CELF3: variants seen among roughly 807,000 people sequenced by gnomAD.
CELF3 encodes the protein CAG repeat domain.
CELF3 carries 26 observed loss-of-function variants against 59.6 expected under a neutral mutation model. That is an observed-to-expected ratio of 0.44 (90% CI 0.32 to 0.61). CELF3 has a LOEUF of 0.61. Ranked by LOEUF, CELF3 falls within the 20% of genes least tolerant of loss-of-function variation. The pLI, the probability that CELF3 is intolerant of heterozygous loss-of-function variation, is 0.06. For synonymous variants in CELF3, 245 were observed against 250.7 expected (o/e 0.98, Z 0.22); for missense variants, 387 against 627.2 (o/e 0.62, Z 4.09).
intron 2 of CELF3, among the ~76,000 whole-genome samples, chr1:151,711,678 C>A (rs558858001): frequency 6.6e-6 from 1 of 152,328 alleles, no homozygotes; most frequent in South Asian, 2.1e-4. Flanking sequence ...CTCCTGTGCT[C>A]TAGCCAAAGC....
rs147905163 is a variant in CELF3, at chr1:151,708,302, G to A, written c.487-367C>T. 6.7e-3 allele frequency: 1,562 copies of A among 231,852 alleles called. 12 individuals are homozygous for A. Among genetic ancestry groups the A allele is most frequent in the Non-Finnish European group, 0.011 (1,264 of 118,270 alleles). The allele number at this position is 231,852 out of a possible 1,614,324, so 14.4% of individuals were successfully genotyped here. ...TAGTCTTCCCTTGTAGCTGCCCTGC[G>A]TGCCTTACCACGACTCCTGCCCCCA... On this transcript the variant is annotated intron_variant, in intron 5 of 12. Transcript: ENST00000290583.
Position 151,715,943 on chromosome 1 carries a change from G to T in CELF3, c.78C>A (p.Ile26=). 1 of 1,614,186 alleles carries T rather than the reference G, an allele frequency of 6.2e-7. No homozygotes were observed. Among genetic ancestry groups the T allele is most frequent in the Non-Finnish European group, 8.5e-7 (1 of 1,180,028 alleles). ...RHLEEKDLKP[I]FEQFGRIFEL... ...CAAAGATCCGACCAAACTGTTCGAAGATGGGCTTCAGGTCCTTCTCCTCCA... is the reference window on the plus strand; with the variant it reads ...CAAAGATCCGACCAAACTGTTCGAATATGGGCTTCAGGTCCTTCTCCTCCA... Residue 26 remains isoleucine, a synonymous_variant, in exon 1 of 13, where the codon ATC becomes ATA. Coordinates refer to ENST00000290583, the MANE Select transcript of CELF3 (RefSeq NM_007185.7).
chr1:151,706,412 C>T (rs1672544530), intron 9 of CELF3, 51 bp from the exon 10 acceptor site: 3 of 1,490,718 alleles, frequency 2.0e-6, no homozygotes, highest in Non-Finnish European at 2.7e-6. Flanking sequence ...ACTTCTTGAG[C>T]CCTCCCAGCC....
chr1:151,712,590 C>A (rs1673116568), intron 2 of CELF3, among the ~76,000 whole-genome samples: 1 of 152,210 alleles, frequency 6.6e-6, no homozygotes, highest in Non-Finnish European at 1.5e-5. Flanking sequence ...CTCCATGATG[C>A]CACACCCTGC....
At chr1:151,715,454 G>T (rs1363132910) in intron 1 of CELF3, among the ~76,000 whole-genome samples, 1 of 151,932 alleles carries the variant, frequency 6.6e-6, no homozygotes, top group African/African-American at 2.4e-5. Flanking sequence ...TTGAACACCT[G>T]ACCCTGTGTC....
chr1:151,708,784 C>T (rs1331136112), intron 5 of CELF3, among the ~76,000 whole-genome samples: 1 of 150,584 alleles, frequency 6.6e-6, no homozygotes, highest in African/African-American at 2.5e-5. Context: ...GGGAATTTGG[C>T]TGAAGGTGGA....
intron 12 of CELF3, 90 bp downstream of exon 12, chr1:151,704,941 G>T: frequency 1.4e-6 from 2 of 1,394,460 alleles, no homozygotes; most frequent in South Asian, 3.0e-5. Flanking sequence ...GAGGGTGGTG[G>T]AGGACAGGGG....
Position 151,716,536 on chromosome 1 carries a change from G to C in CELF3, c.-516C>G. ...GGTGAATCTCTCGTTGGCTTCCCTG[G>C]GAGGACACCTCCCCTGTGGCGGATC... On this transcript the variant is annotated 5_prime_UTR_variant, in exon 1 of 13. Transcript: ENST00000290583. 3.0e-6 allele frequency: 1 copy of C among 328,652 alleles called. No individual in the cohort carries two copies. The highest frequency in any genetic ancestry group is 6.1e-6 in the Non-Finnish European group (1 of 163,882). The allele number at this position is 328,652 out of a possible 1,614,324, so 20.4% of individuals were successfully genotyped here. A position where few individuals can be genotyped will look rare whatever the true frequency, so the allele number is the denominator to read the frequency against.
In CELF3 at chr1:151,709,322, G is replaced by T. The variant is rs750266744; in HGVS notation, c.304C>A (p.Leu102Ile). The change falls in exon 4 of 13, where the codon CTA (leucine) becomes ATA (isoleucine). Residue 102 changes from leucine to isoleucine, a missense_variant. Leu to Ile is a conservative substitution (Grantham distance 5). Transcript: ENST00000290583. The surrounding 1 kb of genome is among the most constrained non-coding windows in gnomAD (Gnocchi z 4.9). ...TCCTCATCTGTCTGCTGCTTCCCTA[G>T]CATCCCCACAAAGAGCTTCCGGTCT... is the stretch of plus-strand genomic sequence containing the variant. Reference protein sequence around the residue: ...GEDRKLFVGMLGKQQTDEDVR... With the variant: ...GEDRKLFVGMIGKQQTDEDVR... The T allele has an allele frequency of 1.2e-6, 2 of 1,614,024 alleles. No homozygotes were observed. Among genetic ancestry groups the T allele is most frequent in the South Asian group, 2.2e-5 (2 of 91,084 alleles).
Position 151,716,060 on chromosome 1 carries a change from A to C in CELF3, c.-40T>G. On this transcript the variant is annotated 5_prime_UTR_variant, in exon 1 of 13. Coordinates refer to ENST00000290583, the MANE Select transcript of CELF3 (RefSeq NM_007185.7). Reference sequence around the variant, plus strand: ...AGGAGGGGCCGAGGGGAGCAGGGAGAGGCCCAAAGGCCAAGGGGAGCTGCC... The same window carrying C: ...AGGAGGGGCCGAGGGGAGCAGGGAGCGGCCCAAAGGCCAAGGGGAGCTGCC... 1 of 1,564,070 alleles carries C rather than the reference A, an allele frequency of 6.4e-7. No homozygotes were observed. Among genetic ancestry groups the C allele is most frequent in the Non-Finnish European group, 8.7e-7 (1 of 1,155,130 alleles).
rs1672682665 is a variant in CELF3, at chr1:151,707,656, G to A, written c.631-8C>T. 4 of 1,603,780 alleles carry A rather than the reference G, an allele frequency of 2.5e-6. No individual in the cohort carries two copies. The highest frequency in any genetic ancestry group is 1.3e-5 in the African/African-American group (1 of 74,846). On this transcript the variant is annotated splice_polypyrimidine_tract_variant and splice_region_variant and intron_variant, in intron 6 of 12. Transcript: ENST00000290583. The stretch of plus-strand genomic sequence containing the variant: ...CGCCTGCTGCTGCATCAGCTGGGGG[G>A]AGGGGAGAGGAGAGTGGGGCAGGCC...
rs746113287 is a variant in CELF3, at chr1:151,706,246, TTGCTGCTGCTGC to T, written c.1092_1103del (p.Gln370_Gln373del). On this transcript the variant is annotated inframe_deletion, in exon 10 of 13. Coordinates refer to ENST00000290583, the MANE Select transcript of CELF3 (RefSeq NM_007185.7). ...CACCTTCTCTTTGCTGCTGCTGCTGTTGCTGCTGCTGCTGCTGCTGCTGCTGTTGAGGTGGTG... is the reference window on the plus strand; with the variant it reads ...CACCTTCTCTTTGCTGCTGCTGCTGTTGCTGCTGCTGCTGTTGAGGTGGTG... The T allele has an allele frequency of 2.1e-5, 33 of 1,597,490 alleles. No individual in the cohort carries two copies. Among genetic ancestry groups the T allele is most frequent in the African/African-American group, 9.4e-5 (7 of 74,290 alleles).
At chr1:151,710,628 G>A (rs575980362) in intron 2 of CELF3, 41 of 456,428 alleles carry the variant, frequency 9.0e-5, no homozygotes, top group African/African-American at 8.2e-4. Context: ...CCCTCCTCCA[G>A]AGCAAATCCT....
chr1:151,714,737 G>T (rs1012168877), intron 1 of CELF3, 61 bp from the exon 2 acceptor site: 20 of 1,191,378 alleles, frequency 1.7e-5, no homozygotes, highest in Non-Finnish European at 2.3e-5. Flanking sequence ...TCCCCTCTCT[G>T]AAAGGCTCCC....
In CELF3 at chr1:151,716,103, G is replaced by T; in HGVS notation, c.-83C>A. 2 of 1,429,110 alleles carry T rather than the reference G, an allele frequency of 1.4e-6. No individual in the cohort carries two copies. The highest frequency in any genetic ancestry group is 1.9e-6 in the Non-Finnish European group (2 of 1,069,664). 88.5% of individuals were successfully genotyped at this position (1,429,110 alleles called of 1,614,324 possible). On this transcript the variant is annotated 5_prime_UTR_variant, in exon 1 of 13. Transcript: ENST00000290583. Reference sequence around the variant, plus strand: ...GAGCTGCCCAGCAAGGAGATAAGTGGTGGGGCCCGGGGGCCCAGCTGGGGC... The same window carrying T: ...GAGCTGCCCAGCAAGGAGATAAGTGTTGGGGCCCGGGGGCCCAGCTGGGGC...
Position 151,705,332 on chromosome 1 carries a change from G to T in CELF3, c.1271-164C>A, listed in dbSNP as rs1170171723. 1.3e-5 allele frequency among the ~76,000 whole-genome samples: 2 copies of T among 152,226 alleles called. No individual in the cohort carries two copies. Among genetic ancestry groups the T allele is most frequent in the Non-Finnish European group, 2.9e-5 (2 of 68,036 alleles). ...AATTTGTTGATTGATGGGTTGAATG[G>T]ATGAATCCAGTCCAGCCACTCCAAC... On this transcript the variant is annotated intron_variant, in intron 11 of 12. Coordinates refer to ENST00000290583, the MANE Select transcript of CELF3 (RefSeq NM_007185.7). The surrounding 1 kb of genome is among the most constrained non-coding windows in gnomAD (Gnocchi z 5.1).
In CELF3 at chr1:151,706,246, T is replaced by TTGCTGC. The variant is rs746113287; in HGVS notation, c.1098_1103dup (p.Gln372_Gln373dup). ...CACCTTCTCTTTGCTGCTGCTGCTGTTGCTGCTGCTGCTGCTGCTGCTGCT... is the reference window on the plus strand; with the variant it reads ...CACCTTCTCTTTGCTGCTGCTGCTGTTGCTGCTGCTGCTGCTGCTGCTGCTGCTGCT... On this transcript the variant is annotated inframe_insertion, in exon 10 of 13. Coordinates refer to ENST00000290583, the MANE Select transcript of CELF3 (RefSeq NM_007185.7). 47 of 1,597,468 alleles carry TTGCTGC rather than the reference T, an allele frequency of 2.9e-5. No homozygotes were observed. The highest frequency in any genetic ancestry group is 6.8e-5 in the South Asian group (6 of 88,732).
intron 1 of CELF3, 66 bp from the exon 2 acceptor site, chr1:151,714,742 G>C: frequency 2.6e-6 from 3 of 1,164,076 alleles, no homozygotes; most frequent in Admixed American, 2.0e-5. Context: ...TCTCTGAAAG[G>C]CTCCCTTCCA....
At chr1:151,713,502 A>T (rs966636019) in intron 2 of CELF3, 2 of 152,234 alleles carry the variant, frequency 1.3e-5, no homozygotes, top group African/African-American at 4.8e-5. Context: ...AGAAAAAGAC[A>T]AACAGCGATG....
Sources: gnomAD v4.1 joint callset for allele counts (sites outside exome capture counted in the v4.1 genomes callset) on GRCh38, gnomAD v4.1.1 for gene constraint, Gnocchi (gnomAD v3.1) non-coding constraint, MANE v1.5 for transcripts, NCBI Gene and HGNC (gene_info 2026-07-23, HGNC 2026-07-21) for gene names.